The following COL24A1 variants were observed in gnomAD, a reference collection of about 807,000 sequenced individuals.
COL24A1 encodes collagen type XXIV alpha 1 chain, also known as collagen alpha-1(XXIV) chain.
COL24A1 carries 224 observed loss-of-function variants against 253.9 expected under a neutral mutation model. The observed-to-expected ratio is 0.88, with a 90% CI of 0.79 to 0.99. The LOEUF is 0.99. Among genes scored for constraint, COL24A1 ranks in the 50% least tolerant of loss-of-function variants. COL24A1 has a pLI of 0.00. For missense variants in COL24A1, 2,131 were observed against 2,068.5 expected (o/e 1.03, Z -0.59); for synonymous variants, 685 against 673.7 (o/e 1.02, Z -0.26).
At chr1:85,945,000 GTGTTTTTTTTTTTTTTTTTTT>G (rs1218516924) in intron 24 of COL24A1, among the ~76,000 whole-genome samples, 2 of 36,124 alleles carry the variant, frequency 5.5e-5, no homozygotes, top group East Asian at 8.9e-4. Context: ...GTCTATCATT[GTGTTTTTTTTTTTTTTTTTTT>G]TTTTTTTTTT....
rs760828927 is a variant in COL24A1, at chr1:85,874,650, C to T, written c.3137G>A (p.Arg1046Gln). 3.3e-5 allele frequency: 54 copies of T among 1,612,272 alleles called. No homozygotes were observed. The highest frequency in any genetic ancestry group is 2.8e-4 in the African/African-American group (21 of 74,854). The stretch of plus-strand genomic sequence containing the variant: ...AAAGAGTTTCAAGGGGGCACTCACC[C>T]GTAAACCTGGTTCCCCAGTTCCTCC... The part of the protein sequence containing the change: ...SVGGTGEPGL[R>Q]GEPGAPGEEG... Residue 1046 changes from arginine to glutamine, a missense_variant and splice_region_variant, in exon 35 of 60, where the codon CGG becomes CAG. Transcript: ENST00000370571.
chr1:85,733,448 G>A (rs1300775514), intron 59 of COL24A1, among the ~76,000 whole-genome samples: 1 of 152,182 alleles, frequency 6.6e-6, no homozygotes, highest in East Asian at 1.9e-4. Context: ...ATTAAGGATG[G>A]CTGTGTTCCA....
chr1:86,022,770 T>G, intron 16 of COL24A1, 63 bp downstream of exon 16: 1 of 1,307,692 alleles, frequency 7.6e-7, no homozygotes, highest in East Asian at 2.7e-5. Context: ...TAAATTGTGT[T>G]GACTGAAAAG....
chr1:86,125,184 T>A lies in COL24A1; in HGVS notation c.1152A>T (p.Val384=). The A allele has an allele frequency of 6.2e-7, 1 of 1,613,362 alleles. No homozygotes were observed. The highest frequency in any genetic ancestry group is 8.5e-7 in the Non-Finnish European group (1 of 1,179,558). The change falls in exon 3 of 60, where the codon GTA becomes GTT. Residue 384 remains valine, a synonymous_variant. Transcript: ENST00000370571. ...SDNITQHDDR[V]TGLSLFKKMP... Reference sequence around the variant, plus strand: ...TCTTCTTAAACAGTGACAGACCAGTTACTCTATCATCATGTTGTGTGATAT... The same window carrying A: ...TCTTCTTAAACAGTGACAGACCAGTAACTCTATCATCATGTTGTGTGATAT...
At chr1:86,135,011 T>G (rs1427226518) in intron 2 of COL24A1, among the ~76,000 whole-genome samples, 1 of 151,700 alleles carries the variant, frequency 6.6e-6, no homozygotes, top group Non-Finnish European at 1.5e-5. Context: ...TCCAAGGACT[T>G]GCTTTATGAA....
chr1:85,915,366 C>T (rs959444128), intron 24 of COL24A1, among the ~76,000 whole-genome samples: 1 of 152,170 alleles, frequency 6.6e-6, no homozygotes, highest in Non-Finnish European at 1.5e-5. Flanking sequence ...TTGTGGTTCT[C>T]AGGCCTTTGA....
At chr1:85,827,504 C>T (rs1317719699) in intron 43 of COL24A1, among the ~76,000 whole-genome samples, 1 of 151,852 alleles carries the variant, frequency 6.6e-6, no homozygotes, top group South Asian at 2.1e-4. Context: ...AGGAATGGTA[C>T]CATTTCCTCC....
At chr1:85,822,445 G>A (rs896189587) in intron 45 of COL24A1, among the ~76,000 whole-genome samples, 1 of 152,140 alleles carries the variant, frequency 6.6e-6, no homozygotes, top group Admixed American at 6.6e-5. Flanking sequence ...GAAAAACAGG[G>A]CAGCAATGAA....
chr1:86,002,972 G>T (rs586240), intron 19 of COL24A1, among the ~76,000 whole-genome samples: 27,625 of 151,968 alleles, frequency 0.18, 3,190 homozygotes, highest in African/African-American at 0.32. Context: ...AACAGGAAAG[G>T]GCAACATCAT....
intron 22 of COL24A1, among the ~76,000 whole-genome samples, chr1:85,969,584 GAC>G (rs1352234072): frequency 4.7e-5 from 5 of 105,576 alleles, no homozygotes; most frequent in African/African-American, 1.9e-4. Context: ...CAGCCTGGAT[GAC>G]AGAGTGAGAC....
At chr1:86,017,235 AC>A in intron 18 of COL24A1, 31 bp from the exon 19 acceptor site, 2 of 1,524,114 alleles carry the variant, frequency 1.3e-6, no homozygotes, top group Non-Finnish European at 1.8e-6. Context: ...CAAAGTATAA[AC>A]ATAAACTTAA....
chr1:86,084,380 A>C (rs1702890098), intron 7 of COL24A1, among the ~76,000 whole-genome samples: 1 of 152,208 alleles, frequency 6.6e-6, no homozygotes, highest in Non-Finnish European at 1.5e-5. Context: ...AATACAACAC[A>C]AACCTCTCTA....
At chr1:85,818,604 T>G (rs1401570067) in intron 45 of COL24A1, among the ~76,000 whole-genome samples, 1 of 152,216 alleles carries the variant, frequency 6.6e-6, no homozygotes, top group Non-Finnish European at 1.5e-5. Context: ...AAGGAAAAGA[T>G]ATTTATTTCC....
intron 47 of COL24A1, among the ~76,000 whole-genome samples, chr1:85,810,083 T>C (rs1037425845): frequency 6.6e-6 from 1 of 151,914 alleles, no homozygotes; most frequent in Non-Finnish European, 1.5e-5. Context: ...TGACCCCTGC[T>C]GATCAAAACA....
At chr1:85,917,091 C>T (rs995464218) in intron 24 of COL24A1, among the ~76,000 whole-genome samples, 57 of 152,210 alleles carry the variant, frequency 3.7e-4, no homozygotes, top group African/African-American at 1.3e-3. Flanking sequence ...AACCTCAACA[C>T]CAGCTAAAAT....
At chr1:85,778,292 T>G (rs903103845) in intron 52 of COL24A1, among the ~76,000 whole-genome samples, 1 of 151,976 alleles carries the variant, frequency 6.6e-6, no homozygotes, top group Non-Finnish European at 1.5e-5. Context: ...TTTGTAGAGA[T>G]GGGATCTCAC....
chr1:86,148,374 G>C (rs1234660018), intron 1 of COL24A1, among the ~76,000 whole-genome samples: 1 of 151,840 alleles, frequency 6.6e-6, no homozygotes, highest in Non-Finnish European at 1.5e-5. Flanking sequence ...TATACTTTAA[G>C]TTTTAGGGTA....
chr1:85,824,977 G>C lies in COL24A1; in HGVS notation c.3682-1239C>G, dbSNP rs184439367. Among the ~76,000 whole-genome samples the C allele has an allele frequency of 9.7e-3, 1,465 of 150,728 alleles. 24 individuals carry two copies. The highest frequency in any genetic ancestry group is 0.034 in the African/African-American group (1,393 of 40,950). ...TAGGGTACATGTGCACAATGTGCAG[G>C]TTAGTTACATATGTATACATGTGCC... On this transcript the variant is annotated intron_variant, in intron 43 of 59. Coordinates refer to ENST00000370571, the MANE Select transcript of COL24A1 (RefSeq NM_152890.7).
chr1:85,761,745 A>G (rs771893005), intron 53 of COL24A1, among the ~76,000 whole-genome samples, 179 bp from the exon 54 acceptor site: 2 of 152,224 alleles, frequency 1.3e-5, no homozygotes, highest in Non-Finnish European at 2.9e-5. Context: ...CCATATTCAT[A>G]AACAAGCTGG....
Sources: allele counts gnomAD v4.1 joint callset (sites outside exome capture counted in the v4.1 genomes callset), GRCh38; gene constraint gnomAD v4.1.1; transcripts MANE v1.5; gene names NCBI Gene and HGNC (gene_info 2026-07-23, HGNC 2026-07-21).